C2orf78: variants seen among roughly 807,000 people sequenced by gnomAD.
The protein encoded by C2orf78 is chromosome 2 open reading frame 78.
Under a neutral mutation model 21.4 loss-of-function variants are expected in C2orf78, and 12 were observed. The observed-to-expected ratio is 0.56, with a 90% CI of 0.36 to 0.91. The LOEUF (loss-of-function observed/expected upper bound fraction) is 0.91, where lower values mean the gene tolerates loss of function less well. Among genes scored for constraint, C2orf78 ranks in the 40% least tolerant of loss-of-function variants. The pLI is 0.01. For synonymous variants in C2orf78, 396 were observed against 413.9 expected (o/e 0.96, Z 0.52); for missense variants, 1,042 against 1,092.4 (o/e 0.95, Z 0.65).
rs997015597 is a variant in C2orf78, at chr2:73,815,591, C to G, written c.1368C>G (p.Ile456Met). 4 of 1,613,902 alleles carry G rather than the reference C, an allele frequency of 2.5e-6. No individual in the cohort carries two copies. In the African/African-American group the frequency reaches 4.0e-5, roughly 16 times the overall value. The change falls in exon 3 of 3, where the codon ATC (isoleucine) becomes ATG (methionine). Residue 456 changes from isoleucine to methionine, a missense_variant. Around this residue, in one of 2 missense-constraint regions of C2orf78, gnomAD observed 1,039 missense variants for 1,069.7 expected, o/e 0.97. Transcript: ENST00000409561. The stretch of plus-strand genomic sequence containing the variant: ...TGGAGGATACTTACCTCCCCCCGAT[C>G]TTCAGTTCCTTACAAGATCTTGACC...
chr2:73,809,611 C>T (rs920546291), intron 1 of C2orf78, among the ~76,000 whole-genome samples: 1 of 151,898 alleles, frequency 6.6e-6, no homozygotes, highest in African/African-American at 2.4e-5. Context: ...CATGGCAAGA[C>T]CCCATCTCTA....
At chr2:73,786,143 G>A (rs1672927373) in intron 1 of C2orf78, among the ~76,000 whole-genome samples, 1 of 152,018 alleles carries the variant, frequency 6.6e-6, no homozygotes, top group Admixed American at 6.6e-5. Flanking sequence ...ACTTTGCAAG[G>A]CTGACGCAGG....
chr2:73,813,422 A>C, intron 1 of C2orf78, 55 bp from the exon 2 acceptor site: 1 of 1,461,298 alleles, frequency 6.8e-7, no homozygotes, highest in Non-Finnish European at 9.1e-7. Flanking sequence ...TCTTCCAATA[A>C]GGTGAGAATT....
chr2:73,815,903 C>T (rs941254652), exon 3 of C2orf78: 6 of 1,613,430 alleles, frequency 3.7e-6, no homozygotes, highest in Non-Finnish European at 5.1e-6. Context: ...CTGCATCCAG[C>T]AGGATCAGCA....
rs1039123078 is a variant in C2orf78, at chr2:73,807,046, T to C, written c.98-6431T>C. Among the ~76,000 whole-genome samples, 8 of 144,314 alleles carry C rather than the reference T, an allele frequency of 5.5e-5. 1 individual carries two copies. Among genetic ancestry groups the C allele is most frequent in the African/African-American group, 2.2e-4 (8 of 36,182 alleles). The allele number at this position is 144,314 out of a possible 152,430, so 94.7% of individuals were successfully genotyped here. On this transcript the variant is annotated intron_variant, in intron 1 of 2. Transcript: ENST00000409561. ...AATACAAAAAATTAGCCGGGCATGG[T>C]GGCGAGTACCTGTAATCCCAGCTAC... is the stretch of plus-strand genomic sequence containing the variant.
intron 1 of C2orf78, among the ~76,000 whole-genome samples, chr2:73,810,373 C>T (rs185085272): frequency 6.6e-6 from 1 of 151,536 alleles, no homozygotes; most frequent in African/African-American, 2.4e-5. Context: ...ACTAAAAATA[C>T]AAAATTAGCC....
chr2:73,784,831 C>T, intron 1 of C2orf78, among the ~76,000 whole-genome samples: 1 of 151,410 alleles, frequency 6.6e-6, no homozygotes. Flanking sequence ...AATATTTCAA[C>T]TTTCGTATTT....
At chr2:73,813,549 C>T in exon 2 of C2orf78, 4 of 1,613,960 alleles carry the variant, frequency 2.5e-6, no homozygotes, top group Admixed American at 1.7e-5. Flanking sequence ...GTGAGCAATG[C>T]AGCTTTCTTA....
At chr2:73,816,027 A>G in exon 3 of C2orf78, 1 of 1,614,032 alleles carries the variant, frequency 6.2e-7, no homozygotes, top group Non-Finnish European at 8.5e-7. Flanking sequence ...GAAGCAAACC[A>G]TTCCCAATAT....
At chr2:73,815,532 T>C in exon 3 of C2orf78, 5 of 1,613,882 alleles carry the variant, frequency 3.1e-6, no homozygotes, top group Non-Finnish European at 2.5e-6. Context: ...TGGGATTGAG[T>C]CTAGCAGTGA....
intron 1 of C2orf78, chr2:73,809,033 A>G (rs1329140213): frequency 5.9e-6 from 4 of 674,870 alleles, no homozygotes; most frequent in Non-Finnish European, 9.5e-6. Context: ...CAGAGACCTC[A>G]TTTCAGTTTT....
chr2:73,812,216 G>C (rs563861405), intron 1 of C2orf78, among the ~76,000 whole-genome samples: 77 of 152,078 alleles, frequency 5.1e-4, no homozygotes, highest in Admixed American at 9.8e-4. Flanking sequence ...ATACTATTCA[G>C]TTTCCTAATG....
intron 1 of C2orf78, among the ~76,000 whole-genome samples, chr2:73,811,006 C>T (rs1427940187): frequency 1.4e-5 from 2 of 146,940 alleles, no homozygotes; most frequent in African/African-American, 5.1e-5. Flanking sequence ...AATGATGCCT[C>T]CAGGCCGAGC....
exon 2 of C2orf78, chr2:73,813,778 A>G (rs763579825): frequency 1.2e-6 from 2 of 1,614,048 alleles, no homozygotes; most frequent in East Asian, 2.2e-5. Context: ...ATAGTACAGC[A>G]AGCACAGTAA....
At chr2:73,807,951 T>G (rs986715984) in intron 1 of C2orf78, among the ~76,000 whole-genome samples, 1 of 150,988 alleles carries the variant, frequency 6.6e-6, no homozygotes, top group South Asian at 2.1e-4. Flanking sequence ...ATCTCTTCCT[T>G]TGGCCCTTAA....
chr2:73,815,756 G>C (rs528601276), exon 3 of C2orf78: 2 of 1,613,626 alleles, frequency 1.2e-6, no homozygotes, highest in South Asian at 2.2e-5. Context: ...AGCCTATCCA[G>C]GGTGCTCCCA....
At position 73,813,536 on chromosome 2, in the gene C2orf78, G is replaced by A. The variant is rs372158799; in HGVS notation, c.157G>A (p.Val53Met). The A allele has an allele frequency of 1.1e-5, 17 of 1,613,666 alleles. No homozygotes were observed. In the African/African-American group the frequency reaches 1.9e-4, roughly 18 times the overall value. ...AAATTCTCGGCAGTTCTCTCTTCCTGTGGTGAGCAATGCAGCTTTCTTAAC... is the reference window on the plus strand; with the variant it reads ...AAATTCTCGGCAGTTCTCTCTTCCTATGGTGAGCAATGCAGCTTTCTTAAC... The change falls in exon 2 of 3, where the codon GTG becomes ATG. Residue 53 changes from valine (V) to methionine (M), a missense_variant. By Grantham distance (21) the Val-to-Met change is conservative. Around this residue, in one of 2 missense-constraint regions of C2orf78, gnomAD observed 1,039 missense variants for 1,069.7 expected, o/e 0.97. Transcript: ENST00000409561.
chr2:73,815,504 C>CCAGGCTTGGCCTTGTTT lies in C2orf78; in HGVS notation c.1283_1284insGGCTTGGCCTTGTTTCA (p.Gly429AlafsTer60). On this transcript the variant is annotated frameshift_variant, in exon 3 of 3. Transcript: ENST00000409561. LOFTEE classifies it low-confidence loss of function (END_TRUNC). Reference sequence around the variant, plus strand: ...GAAATAAGAGCCTGAGTCTTGAGGACCAAGGGATATTTGAAAATGGGATTG... The same window carrying CCAGGCTTGGCCTTGTTT: ...GAAATAAGAGCCTGAGTCTTGAGGACCAGGCTTGGCCTTGTTTCAAGGGATATTTGAAAATGGGATTG... The CCAGGCTTGGCCTTGTTT allele has an allele frequency of 6.2e-7, 1 of 1,613,862 alleles. No homozygotes were observed. The highest frequency in any genetic ancestry group is 8.5e-7 in the Non-Finnish European group (1 of 1,179,886).
At chr2:73,807,650 G>A (rs1415065816) in intron 1 of C2orf78, among the ~76,000 whole-genome samples, 1 of 79,134 alleles carries the variant, frequency 1.3e-5, no homozygotes, top group South Asian at 5.4e-4. Context: ...AGCAGAGTCC[G>A]TTTTCCAAAC....
Sources: gnomAD v4.1 joint callset for allele counts (sites outside exome capture counted in the v4.1 genomes callset) on GRCh38, gnomAD v4.1.1 for gene constraint, gnomAD v4.1.1 regional missense constraint, MANE v1.5 for transcripts, NCBI Gene and HGNC (gene_info 2026-07-23, HGNC 2026-07-21) for gene names.